RARB: variants seen among roughly 807,000 people sequenced by gnomAD.
RARB encodes the protein retinoic acid receptor beta, also known as HBV-activated protein.
A neutral mutation model predicts 51.9 loss-of-function variants in RARB; 17 were observed. The ratio of observed to expected loss-of-function variants is 0.33; its 90% confidence interval spans 0.22 to 0.49. RARB has a LOEUF of 0.49. Ranked by LOEUF, RARB falls within the 20% of genes least tolerant of loss-of-function variation. The pLI, the probability that RARB is intolerant of heterozygous loss-of-function variation, is 0.99. For missense variants in RARB, 369 were observed against 550.8 expected (o/e 0.67, Z 3.30); for synonymous variants, 215 against 195.4 (o/e 1.10, Z -0.84).
intron 2 of RARB, among the ~76,000 whole-genome samples, chr3:24,919,493 CG>C (rs11366645): frequency 0.11 from 17,430 of 151,908 alleles, 2,581 homozygotes; most frequent in African/African-American, 0.34. Flanking sequence ...GTAACCAATC[CG>C]GCTGTTTCTG....
chr3:25,337,306 A>G (rs905644725), intron 5 of RARB, among the ~76,000 whole-genome samples: 4 of 152,204 alleles, frequency 2.6e-5, no homozygotes, highest in African/African-American at 7.2e-5. Context: ...TATTGTATGT[A>G]TAAACATGAT....
upstream of RARB, among the ~76,000 whole-genome samples, chr3:25,425,006 C>T (rs903542008): frequency 1.3e-5 from 2 of 152,204 alleles, no homozygotes; most frequent in African/African-American, 4.8e-5. Flanking sequence ...ATGGATTTTA[C>T]TCTCAAAGTT....
chr3:25,564,151 A>G lies in RARB; in HGVS notation c.449-5607A>G, dbSNP rs546041156. Among the ~76,000 whole-genome samples, 21 of 152,330 alleles carry G rather than the reference A, an allele frequency of 1.4e-4. No homozygotes were observed. In the South Asian group the frequency reaches 2.3e-3, roughly 17 times the overall value. ...ATTTATTTCCATGATTAGACATTCA[A>G]ATAAAAGTGCTTGGGTGTCTGTTTT... On this transcript the variant is annotated intron_variant, in intron 3 of 7. Transcript: ENST00000330688.
intron 3 of RARB, among the ~76,000 whole-genome samples, chr3:25,109,482 G>A (rs1014705507): frequency 6.6e-6 from 1 of 152,086 alleles, no homozygotes; most frequent in Non-Finnish European, 1.5e-5. Flanking sequence ...CAAAAACACT[G>A]AAATTTACAT....
intron 5 of RARB, among the ~76,000 whole-genome samples, chr3:25,199,633 C>A (rs924246149): frequency 2.0e-5 from 3 of 152,054 alleles, no homozygotes; most frequent in African/African-American, 7.2e-5. Flanking sequence ...GTGTGATGTT[C>A]CCCTTCCTGT....
intron 3 of RARB, among the ~76,000 whole-genome samples, chr3:25,065,913 T>C (rs1284256926): frequency 1.3e-5 from 2 of 152,208 alleles, no homozygotes; most frequent in Non-Finnish European, 2.9e-5. Flanking sequence ...TAGATGACTC[T>C]CTTTTACCAA....
intron 2 of RARB, among the ~76,000 whole-genome samples, chr3:25,493,315 G>A (rs932874095): frequency 7.9e-5 from 12 of 152,172 alleles, no homozygotes; most frequent in Admixed American, 2.6e-4. Flanking sequence ...ACGTTGTCAC[G>A]CATAGACTTC....
chr3:25,366,277 A>G (rs1706117802), intron 5 of RARB, among the ~76,000 whole-genome samples: 1 of 152,332 alleles, frequency 6.6e-6, no homozygotes, highest in South Asian at 2.1e-4. Flanking sequence ...GTAGTAGAGA[A>G]AAGATTTGAA....
At position 25,138,744 on chromosome 3, in the gene RARB, A is replaced by G. The variant is rs368996346; in HGVS notation, c.-280+6536A>G. On this transcript the variant is annotated intron_variant, in intron 4 of 11. Coordinates refer to the RARB transcript ENST00000383772. ...CAAAAGAGTGAAACTGTTAGTTTCAATTTTAACTTGACTAAATTAATTAAC... is the reference window on the plus strand; with the variant it reads ...CAAAAGAGTGAAACTGTTAGTTTCAGTTTTAACTTGACTAAATTAATTAAC... Among the ~76,000 whole-genome samples the G allele has an allele frequency of 5.9e-5, 9 of 152,274 alleles. No individual in the cohort carries two copies. The East Asian group carries it at 1.3e-3, about 23-fold the overall frequency.
intron 3 of RARB, among the ~76,000 whole-genome samples, chr3:25,101,659 T>G (rs889508990): frequency 6.6e-6 from 1 of 151,976 alleles, no homozygotes; most frequent in South Asian, 2.1e-4. Flanking sequence ...GTTTTTTTTT[T>G]TTATTATATT....
intron 5 of RARB, among the ~76,000 whole-genome samples, chr3:25,272,787 G>A (rs1703284810): frequency 6.6e-6 from 1 of 152,168 alleles, no homozygotes; most frequent in Non-Finnish European, 1.5e-5. Flanking sequence ...GGACTGAACA[G>A]TGATACAGGA....
At position 25,334,832 on chromosome 3, in the gene RARB, G is replaced by A. The variant is rs182668434; in HGVS notation, c.179-126361G>A. Among the ~76,000 whole-genome samples the A allele has an allele frequency of 3.2e-3, 487 of 152,252 alleles. 2 individuals are homozygous for A. The highest frequency in any genetic ancestry group is 0.011 in the African/African-American group (461 of 41,552). Reference sequence around the variant, plus strand: ...TTTTGGCACCGTTTTAATTATGTATGTATATTACTTTCACAAAGAAATTTA... The same window carrying A: ...TTTTGGCACCGTTTTAATTATGTATATATATTACTTTCACAAAGAAATTTA... On this transcript the variant is annotated intron_variant, in intron 5 of 11. Coordinates refer to the RARB transcript ENST00000383772.
At chr3:25,011,365 G>A (rs1697390449) in intron 2 of RARB, among the ~76,000 whole-genome samples, 1 of 152,072 alleles carries the variant, frequency 6.6e-6, no homozygotes, top group Admixed American at 6.6e-5. Flanking sequence ...ACCTGAAGGA[G>A]GTGAGGGAGC....
At chr3:24,994,817 G>T (rs1001676143) in intron 2 of RARB, among the ~76,000 whole-genome samples, 2 of 151,956 alleles carry the variant, frequency 1.3e-5, no homozygotes, top group Non-Finnish European at 2.9e-5. Flanking sequence ...GGATGGATTT[G>T]TACCTGGATT....
intron 2 of RARB, among the ~76,000 whole-genome samples, chr3:24,950,393 A>G (rs1196251320): frequency 2.0e-5 from 3 of 152,226 alleles, no homozygotes; most frequent in Non-Finnish European, 4.4e-5. Flanking sequence ...GATGGGGCAC[A>G]TTATAGGATT....
intron 2 of RARB, among the ~76,000 whole-genome samples, chr3:25,005,174 C>T (rs1304789032): frequency 6.6e-6 from 1 of 152,192 alleles, no homozygotes; most frequent in Admixed American, 6.6e-5. Flanking sequence ...ATTGCCACTT[C>T]TCTTGAATGA....
At chr3:25,534,058 T>C (rs966020951) in intron 3 of RARB, among the ~76,000 whole-genome samples, 8 of 152,244 alleles carry the variant, frequency 5.3e-5, no homozygotes, top group African/African-American at 1.9e-4. Flanking sequence ...AAGAAATGCC[T>C]GACTTTATTT....
chr3:25,055,441 A>G (rs984086497), intron 2 of RARB, among the ~76,000 whole-genome samples: 1 of 152,140 alleles, frequency 6.6e-6, no homozygotes, highest in African/African-American at 2.4e-5. Flanking sequence ...TGAAAGTACA[A>G]TATATATACA....
In RARB at chr3:25,133,280, A is replaced by C. The variant is rs79936225; in HGVS notation, c.-280+1072A>C. Among the ~76,000 whole-genome samples the C allele has an allele frequency of 4.0e-3, 602 of 152,070 alleles. 15 individuals carry two copies. The East Asian group carries it at 0.08, about 20-fold the overall frequency. ...ACTTTTCAATTCAGAATCACTGATT[A>C]TTTTCCCTAAGAGTAGCATTCTTTG... On this transcript the variant is annotated intron_variant, in intron 4 of 11. Transcript: ENST00000383772.
Sources: gnomAD v4.1 joint callset for allele counts (sites outside exome capture counted in the v4.1 genomes callset) on GRCh38, gnomAD v4.1.1 for gene constraint, MANE v1.5 for transcripts, NCBI Gene and HGNC (gene_info 2026-07-23, HGNC 2026-07-21) for gene names.